Variants in KLK4 observed in about 807,000 individuals in gnomAD.
The protein encoded by KLK4 is kallikrein related peptidase 4, also known as kallikrein-4.
In KLK4, 24 loss-of-function variants were observed where a neutral mutation model predicts 24.3. The observed-to-expected ratio is 0.99, with a 90% confidence interval of 0.72 to 1.39. KLK4 has a LOEUF of 1.39. KLK4 is among the 40% of genes most tolerant of loss of function. KLK4 has a pLI of 0.00. For synonymous variants in KLK4, 142 were observed against 138.8 expected (o/e 1.02, Z -0.16); for missense variants, 344 against 327.4 (o/e 1.05, Z -0.39).
At chr19:50,909,151 G>C in intron 3 of KLK4, 101 bp downstream of exon 3, 3 of 1,600,972 alleles carry the variant, frequency 1.9e-6, no homozygotes, top group Non-Finnish European at 2.6e-6. Flanking sequence ...TCCTCCCAGA[G>C]CCTTCACCGC....
At chr19:50,909,779 G>A (rs1167243363) in intron 2 of KLK4, among the ~76,000 whole-genome samples, 2 of 151,830 alleles carry the variant, frequency 1.3e-5, no homozygotes, top group Non-Finnish European at 2.9e-5. Flanking sequence ...CGGTGATCAC[G>A]GTGCAGGAGC....
At chr19:50,907,048 C>A (rs745981482) in exon 6 of KLK4, 2 of 1,614,028 alleles carry the variant, frequency 1.2e-6, no homozygotes, top group Admixed American at 1.7e-5. Flanking sequence ...CAAGGCCCTG[C>A]AAGTACCCGT....
At chr19:50,909,075 C>T (rs1449909781) in intron 3 of KLK4, 177 bp downstream of exon 3, 1 of 1,478,994 alleles carries the variant, frequency 6.8e-7, no homozygotes, top group African/African-American at 1.4e-5. Context: ...TGAGTCCTTC[C>T]GAAGCAAGAT....
chr19:50,907,607 A>G (rs1336448475), intron 5 of KLK4, among the ~76,000 whole-genome samples: 2 of 151,552 alleles, frequency 1.3e-5, no homozygotes, highest in Admixed American at 6.6e-5. Flanking sequence ...GGATTTCACC[A>G]TTTTGGCCAG....
chr19:50,909,053 G>A lies in KLK4; in HGVS notation c.224+199C>T. ...ACTCAGCACTGGGCTGAGATTTCAA[G>A]TCAGGACTCTCTGAGTCCTTCCGAA... On this transcript the variant is annotated intron_variant, in intron 3 of 5. Coordinates refer to ENST00000324041, the Ensembl canonical transcript of KLK4. 3.4e-6 allele frequency: 5 copies of A among 1,478,926 alleles called. No homozygotes were observed. In the South Asian group the frequency reaches 5.4e-5, roughly 16 times the overall value. 91.6% of individuals were successfully genotyped at this position (1,478,926 alleles called of 1,614,324 possible).
At chr19:50,911,352 G>A (rs2090486498) in exon 1 of KLK4, among the ~76,000 whole-genome samples, 1 of 152,194 alleles carries the variant, frequency 6.6e-6, no homozygotes, top group Admixed American at 6.5e-5. Flanking sequence ...GCCACCTCTG[G>A]GCTCCTGGAT....
At chr19:50,906,959 A>G in exon 6 of KLK4, 4 of 1,614,164 alleles carry the variant, frequency 2.5e-6, no homozygotes, top group South Asian at 2.2e-5. Context: ...GGTTTTCTCT[A>G]TCCACTCAGT....
chr19:50,910,597 G>A lies in KLK4; in HGVS notation c.61+81C>T. 7.6e-7 allele frequency: 1 copy of A among 1,320,914 alleles called. No individual in the cohort carries two copies. The highest frequency in any genetic ancestry group is 1.3e-5 in the South Asian group (1 of 79,374). The allele number at this position is 1,320,914 out of a possible 1,614,324, so 81.8% of individuals were successfully genotyped here. On this transcript the variant is annotated intron_variant, in intron 2 of 5. Coordinates refer to ENST00000324041, the Ensembl canonical transcript of KLK4. The surrounding 1 kb of genome is among the most constrained non-coding windows in gnomAD (Gnocchi z 4.4). ...CAGGCAGCTTTGCAGTCACAAGCAAGAGGACACTGAGTCACACCTGAACAT... is the reference window on the plus strand; with the variant it reads ...CAGGCAGCTTTGCAGTCACAAGCAAAAGGACACTGAGTCACACCTGAACAT...
chr19:50,909,074 C>G, intron 3 of KLK4, 178 bp downstream of exon 3: 1 of 1,478,660 alleles, frequency 6.8e-7, no homozygotes, highest in Non-Finnish European at 8.9e-7. Flanking sequence ...CTGAGTCCTT[C>G]CGAAGCAAGA....
chr19:50,908,668 G>C lies in KLK4; in HGVS notation c.386C>G (p.Ser129Cys), dbSNP rs778575464. 6.8e-6 allele frequency: 11 copies of C among 1,614,220 alleles called. No individual in the cohort carries two copies. In the South Asian group the frequency reaches 1.1e-4, roughly 16 times the overall value. Residue 129 changes from serine (S) to cysteine (C), a missense_variant, in exon 4 of 6, where the codon TCT (serine) becomes TGT (cysteine). Ser to Cys is a moderately radical substitution (Grantham distance 112). Transcript: ENST00000324041. ...AATGCTGATGCTCCGGATGGTGTCA[G>C]ACTCGGACACGGATTCGTCCAACTT... is the stretch of plus-strand genomic sequence containing the variant.
In KLK4 at chr19:50,910,826, C is replaced by T; in HGVS notation, c.-11-77G>A. The T allele has an allele frequency of 7.9e-7, 1 of 1,267,274 alleles. No individual in the cohort carries two copies. The highest frequency in any genetic ancestry group is 1.1e-6 in the Non-Finnish European group (1 of 889,078). The allele number at this position is 1,267,274 out of a possible 1,614,324, so 78.5% of individuals were successfully genotyped here. On this transcript the variant is annotated intron_variant, in intron 1 of 5. Transcript: ENST00000324041. The surrounding 1 kb of genome is among the most constrained non-coding windows in gnomAD (Gnocchi z 4.4). ...CTCTCCATCCCTCTCTTTGTCCCTC[C>T]CTTTCTTCCCTCTGGGACGTTATTA...
chr19:50,908,882 A>G, intron 3 of KLK4, 53 bp from the exon 4 acceptor site: 1 of 1,601,390 alleles, frequency 6.2e-7, no homozygotes, highest in Non-Finnish European at 8.5e-7. Context: ...CCTTACCTCC[A>G]TTCTCATCTT....
chr19:50,907,762 G>C (rs1025786182), intron 5 of KLK4, among the ~76,000 whole-genome samples: 1 of 152,050 alleles, frequency 6.6e-6, no homozygotes, highest in Non-Finnish European at 1.5e-5. Flanking sequence ...CTATGAATCT[G>C]TGTCACTGTT....
chr19:50,909,093 TC>T, intron 3 of KLK4, 158 bp downstream of exon 3: 6 of 1,397,230 alleles, frequency 4.3e-6, no homozygotes, highest in Non-Finnish European at 5.5e-6. Context: ...GATTCCCGCC[TC>T]CCAGCCCTTC....
intron 2 of KLK4, 114 bp from the exon 3 acceptor site, chr19:50,909,528 G>A: frequency 1.7e-6 from 2 of 1,147,560 alleles, no homozygotes; most frequent in Non-Finnish European, 2.6e-6. Flanking sequence ...AGGGCTCCTC[G>A]GGGCGGAGTC....
intron 5 of KLK4, among the ~76,000 whole-genome samples, 192 bp from the exon 6 acceptor site, chr19:50,907,278 C>G (rs1460859376): frequency 6.6e-6 from 1 of 152,158 alleles, no homozygotes; most frequent in African/African-American, 2.4e-5. Flanking sequence ...TCCCGATGTC[C>G]TATGTCCTGA....
At position 50,907,981 on chromosome 19, in the gene KLK4, C is replaced by T. The variant is rs77985797; in HGVS notation, c.612+378G>A. ...GAATGCATAAAACGTATGCATAAAT[C>T]GACTATTTATGTTATTGGTAAGGCT... On this transcript the variant is annotated intron_variant, in intron 5 of 5. Coordinates refer to ENST00000324041, the Ensembl canonical transcript of KLK4. 9.2e-3 allele frequency: 3,200 copies of T among 347,270 alleles called. 98 individuals carry two copies. The highest frequency in any genetic ancestry group is 0.06 in the African/African-American group (2,865 of 47,564). The allele number at this position is 347,270 out of a possible 1,614,324, so 21.5% of individuals were successfully genotyped here.
intron 5 of KLK4, 24 bp downstream of exon 5, chr19:50,908,335 G>C (rs202179428): frequency 6.2e-7 from 1 of 1,610,866 alleles, no homozygotes; most frequent in Non-Finnish European, 8.5e-7. Flanking sequence ...TGAGTCGCCT[G>C]CCCTCCCCTT....
intron 5 of KLK4, among the ~76,000 whole-genome samples, chr19:50,907,784 A>G (rs2090447083): frequency 6.6e-6 from 1 of 152,130 alleles, no homozygotes; most frequent in Admixed American, 6.6e-5. Flanking sequence ...CCCTCTGGGT[A>G]CACAGTTGAC....
Sources: allele counts gnomAD v4.1 joint callset (sites outside exome capture counted in the v4.1 genomes callset), GRCh38; gene constraint gnomAD v4.1.1; non-coding constraint Gnocchi (gnomAD v3.1); transcripts MANE v1.5; gene names NCBI Gene and HGNC (gene_info 2026-07-23, HGNC 2026-07-21).